The following LRRC37A3 variants were observed in gnomAD, a reference collection of about 807,000 sequenced individuals.
LRRC37A3 encodes leucine rich repeat containing 37 member A3.
Under a neutral mutation model 106.2 loss-of-function variants are expected in LRRC37A3, and 25 were observed. The observed-to-expected ratio is 0.24, with a 90% CI of 0.17 to 0.33. The LOEUF is 0.33. Ranked by LOEUF, LRRC37A3 falls within the 10% of genes least tolerant of loss-of-function variation. The pLI, the probability that LRRC37A3 is intolerant of heterozygous loss-of-function variation, is 1.00. For missense variants in LRRC37A3, 712 were observed against 1,644.9 expected (o/e 0.43, Z 9.81); for synonymous variants, 305 against 635.8 (o/e 0.48, Z 7.83).
At chr17:64,899,347 G>A (rs1460091560) in intron 2 of LRRC37A3, among the ~76,000 whole-genome samples, 2 of 146,732 alleles carry the variant, frequency 1.4e-5, no homozygotes, top group African/African-American at 2.7e-5. Context: ...TTGAACCTGG[G>A]AGGTGGAGGT....
At position 64,863,140 on chromosome 17, in the gene LRRC37A3, A is replaced by T. The variant is rs1019218216; in HGVS notation, c.3054-122T>A. 3 of 1,376,534 alleles carry T rather than the reference A, an allele frequency of 2.2e-6. No homozygotes were observed. In the African/African-American group the frequency reaches 4.3e-5, roughly 20 times the overall value. The allele number at this position is 1,376,534 out of a possible 1,614,324, so 85.3% of individuals were successfully genotyped here. A position where few individuals can be genotyped will look rare whatever the true frequency, so the allele number is the denominator to read the frequency against. ...TATCATTGAAGCCTGTGGACTGGAC[A>T]GTTGGGTAGGAACCAGAAGGCCAAT... is the stretch of plus-strand genomic sequence containing the variant. On this transcript the variant is annotated intron_variant, in intron 10 of 14. Coordinates refer to ENST00000584306, the MANE Select transcript of LRRC37A3 (RefSeq NM_199340.5).
At position 64,868,533 on chromosome 17, in the gene LRRC37A3, GTC is replaced by G. The variant is rs1973196124; in HGVS notation, c.2980_2981del (p.Asp994HisfsTer12). ...LFKLPALKYL[D>X]MGTTLVPLTT... ...TAAGTGGGACTAGCGTTGTTCCCAT[GTC>G]TCTGAAGAAGAAAGCCGAAACATTC... On this transcript the variant is annotated frameshift_variant and splice_region_variant, in exon 10 of 15. Transcript: ENST00000584306. LOFTEE classifies it high-confidence loss of function. The G allele has an allele frequency of 6.2e-7, 1 of 1,608,688 alleles. No individual in the cohort carries two copies. Among genetic ancestry groups the G allele is most frequent in the African/African-American group, 1.3e-5 (1 of 74,592 alleles).
intron 2 of LRRC37A3, among the ~76,000 whole-genome samples, chr17:64,913,490 G>A (rs1974636098): frequency 6.6e-6 from 1 of 151,928 alleles, no homozygotes; most frequent in South Asian, 2.1e-4. Flanking sequence ...ACAGACGTGT[G>A]CCACCACACT....
At chr17:64,874,563 C>T (rs1598407988) in intron 8 of LRRC37A3, among the ~76,000 whole-genome samples, 1 of 151,512 alleles carries the variant, frequency 6.6e-6, no homozygotes, top group East Asian at 2.0e-4. Flanking sequence ...AGTGAGGAGC[C>T]CCTCTGCCCG....
At chr17:64,861,061 G>C in intron 11 of LRRC37A3, 88 bp from the exon 12 acceptor site, 1 of 1,600,948 alleles carries the variant, frequency 6.2e-7, no homozygotes, top group Non-Finnish European at 8.5e-7. Flanking sequence ...GTCACACAGA[G>C]TAGGAGTCAG....
chr17:64,888,216 A>G (rs984980136), intron 6 of LRRC37A3, among the ~76,000 whole-genome samples: 1 of 134,370 alleles, frequency 7.4e-6, no homozygotes, highest in African/African-American at 3.1e-5. Flanking sequence ...TTGCAAGTTT[A>G]GAGTATTTTC....
chr17:64,859,224 T>C (rs1972784253), intron 12 of LRRC37A3, among the ~76,000 whole-genome samples: 1 of 152,258 alleles, frequency 6.6e-6, no homozygotes, highest in Non-Finnish European at 1.5e-5. Flanking sequence ...AGTGCTGAGA[T>C]TACAGGCGTG....
At chr17:64,918,962 C>G in intron 1 of LRRC37A3, 92 bp from the exon 2 acceptor site, 2 of 1,152,304 alleles carry the variant, frequency 1.7e-6, no homozygotes, top group Non-Finnish European at 2.2e-6. Flanking sequence ...TGCAGCTGTC[C>G]GGGCCAGGTG....
At chr17:64,856,470 C>G (rs1972682669) in intron 13 of LRRC37A3, among the ~76,000 whole-genome samples, 1 of 150,152 alleles carries the variant, frequency 6.7e-6, no homozygotes, top group African/African-American at 2.5e-5. Flanking sequence ...GTGTGAGCCA[C>G]CATGCCTGGC....
intron 10 of LRRC37A3, among the ~76,000 whole-genome samples, chr17:64,866,107 C>T (rs1037191330): frequency 2.6e-5 from 4 of 151,874 alleles, no homozygotes; most frequent in Non-Finnish European, 5.9e-5. Context: ...AGTTCAATGT[C>T]TTTATGGCCT....
chr17:64,880,848 A>T (rs1973677088), intron 8 of LRRC37A3, among the ~76,000 whole-genome samples: 1 of 152,142 alleles, frequency 6.6e-6, no homozygotes, highest in Admixed American at 6.5e-5. Flanking sequence ...GAGGAGACAG[A>T]GATGAAAGGA....
intron 8 of LRRC37A3, among the ~76,000 whole-genome samples, chr17:64,880,631 G>C (rs868520611): frequency 6.6e-5 from 10 of 152,090 alleles, no homozygotes; most frequent in Non-Finnish European, 1.2e-4. Context: ...AGTTTAAGAA[G>C]TACTGCTCTA....
At chr17:64,863,729 G>A (rs1972959712) in intron 10 of LRRC37A3, 1 of 152,222 alleles carries the variant, frequency 6.6e-6, no homozygotes, top group South Asian at 2.1e-4. Context: ...GCACATTTGG[G>A]TGAAAAGACA....
rs1389245822 is a variant in LRRC37A3 at position 64,890,708 on chromosome 17, T to C, written c.2682-956A>G. Among the ~76,000 whole-genome samples, 5 of 146,250 alleles carry C rather than the reference T, an allele frequency of 3.4e-5. 1 individual carries two copies. Among genetic ancestry groups the C allele is most frequent in the African/African-American group, 1.4e-4 (5 of 35,848 alleles). On this transcript the variant is annotated intron_variant, in intron 5 of 14. Transcript: ENST00000584306. The stretch of plus-strand genomic sequence containing the variant: ...TTAGCTGGGTGTGATGGAGGGCACC[T>C]GTAATTCCAGCTACGCGGGAGGCTG...
chr17:64,877,835 C>A (rs1411572164), intron 8 of LRRC37A3, among the ~76,000 whole-genome samples: 1 of 152,010 alleles, frequency 6.6e-6, no homozygotes, highest in Non-Finnish European at 1.5e-5. Flanking sequence ...GAATTGACAA[C>A]CCAGAAATAA....
At chr17:64,917,245 C>CAAAAA (rs1283286984) in intron 2 of LRRC37A3, among the ~76,000 whole-genome samples, 2 of 28,366 alleles carry the variant, frequency 7.1e-5, no homozygotes, top group African/African-American at 2.9e-4. Context: ...GACTCCATCT[C>CAAAAA]AAAAAAAAAA....
At position 64,859,531 on chromosome 17, in the gene LRRC37A3, T is replaced by C. The variant is rs768781870; in HGVS notation, c.4615A>G (p.Ile1539Val). The C allele has an allele frequency of 1.2e-6, 2 of 1,611,904 alleles. No individual in the cohort carries two copies. Among genetic ancestry groups the C allele is most frequent in the South Asian group, 1.1e-5 (1 of 90,880 alleles). The change falls in exon 12 of 15, where the codon ATA (isoleucine) becomes GTA (valine). Residue 1539 changes from isoleucine (I) to valine (V), a missense_variant. Physicochemically the swap from Ile to Val is conservative, Grantham distance 29 (BLOSUM62 3). Coordinates refer to ENST00000584306, the MANE Select transcript of LRRC37A3 (RefSeq NM_199340.5). ...SGQQEVKASKIEWDTDQWKTE... is the reference protein window; with the variant it reads ...SGQQEVKASKVEWDTDQWKTE... ...TTCCATTGGTCCGTATCCCATTCTATCTTGGATGCCTTTACTTCCTGCTGC... is the reference window on the plus strand; with the variant it reads ...TTCCATTGGTCCGTATCCCATTCTACCTTGGATGCCTTTACTTCCTGCTGC...
intron 8 of LRRC37A3, among the ~76,000 whole-genome samples, chr17:64,872,083 G>C (rs1598405146): frequency 7.5e-6 from 1 of 133,106 alleles, no homozygotes; most frequent in Non-Finnish European, 1.5e-5. Context: ...AGTGAGATGA[G>C]ATTATGCCAC....
intron 11 of LRRC37A3, among the ~76,000 whole-genome samples, chr17:64,862,073 G>A (rs9901641): frequency 0.027 from 3,909 of 142,290 alleles, 186 homozygotes; most frequent in African/African-American, 0.09. Flanking sequence ...TTTTCTGCCC[G>A]CTTCTTGGGG....
Sources: allele counts gnomAD v4.1 joint callset (sites outside exome capture counted in the v4.1 genomes callset), GRCh38; gene constraint gnomAD v4.1.1; transcripts MANE v1.5; gene names NCBI Gene and HGNC (gene_info 2026-07-23, HGNC 2026-07-21).